The following TMCC1 variants were observed in gnomAD, a reference collection of about 807,000 sequenced individuals.
TMCC1 encodes the protein transmembrane and coiled-coil domain family 1.
Under a neutral mutation model 52.4 loss-of-function variants are expected in TMCC1, and 15 were observed. The ratio of observed to expected loss-of-function variants is 0.29; its 90% CI spans 0.19 to 0.44. The LOEUF (loss-of-function observed/expected upper bound fraction) is 0.44, where lower values mean the gene tolerates loss of function less well. Among genes scored for constraint, TMCC1 ranks in the 20% least tolerant of loss-of-function variants. TMCC1 has a pLI of 1.00. For missense variants in TMCC1, 503 were observed against 806.0 expected, an observed-to-expected ratio of 0.62 and a Z score of 4.55; for synonymous variants, 279 against 301.9, an observed-to-expected ratio of 0.92 and a Z score of 0.79.
At chr3:129,860,176 A>G (rs1315120347) in intron 2 of TMCC1, among the ~76,000 whole-genome samples, 1 of 152,212 alleles carries the variant, frequency 6.6e-6, no homozygotes, top group Non-Finnish European at 1.5e-5. Context: ...AACCACCTAC[A>G]TATAAAAATA....
chr3:129,802,223 T>G (rs1167214383), intron 4 of TMCC1, among the ~76,000 whole-genome samples: 3 of 152,254 alleles, frequency 2.0e-5, no homozygotes, highest in African/African-American at 4.8e-5. Flanking sequence ...TTTTTCTGTT[T>G]GTAGACATGG....
At chr3:129,865,698 G>A (rs1382878786) in intron 2 of TMCC1, among the ~76,000 whole-genome samples, 3 of 152,072 alleles carry the variant, frequency 2.0e-5, no homozygotes, top group Admixed American at 1.3e-4. Context: ...ACACTCTTAA[G>A]GTTCAACAGG....
At chr3:129,876,415 C>A (rs2061216418) in intron 2 of TMCC1, among the ~76,000 whole-genome samples, 1 of 151,970 alleles carries the variant, frequency 6.6e-6, no homozygotes, top group Non-Finnish European at 1.5e-5. Flanking sequence ...TAGCTGACAG[C>A]CAATTAGCTC....
At chr3:129,883,963 T>C (rs1381210863) in intron 1 of TMCC1, among the ~76,000 whole-genome samples, 5 of 151,972 alleles carry the variant, frequency 3.3e-5, no homozygotes, top group Non-Finnish European at 7.4e-5. Context: ...ATAAACCCAA[T>C]GAAAGCAGAT....
At position 129,848,850 on chromosome 3, in the gene TMCC1, T is replaced by A. The variant is rs1018020808; in HGVS notation, c.-183-16024A>T. ...CTCCCTCCCCCACCTTCATTCCTCT[T>A]ATGACCTGACTTCCTACATCATTGA... On this transcript the variant is annotated intron_variant, in intron 2 of 6. Coordinates refer to ENST00000393238, the MANE Select transcript of TMCC1 (RefSeq NM_001017395.5). Among the ~76,000 whole-genome samples, 10 of 152,030 alleles carry A rather than the reference T, an allele frequency of 6.6e-5. No homozygotes were observed. The East Asian group carries it at 1.9e-3, about 29-fold the overall frequency.
At chr3:129,796,830 T>C (rs1250527047) in intron 4 of TMCC1, among the ~76,000 whole-genome samples, 1 of 152,116 alleles carries the variant, frequency 6.6e-6, no homozygotes, top group Non-Finnish European at 1.5e-5. Context: ...ACCTTATCTC[T>C]AAAAATAAAA....
chr3:129,825,346 C>A (rs948697464), intron 4 of TMCC1, among the ~76,000 whole-genome samples: 5 of 152,286 alleles, frequency 3.3e-5, no homozygotes, highest in Admixed American at 6.5e-5. Flanking sequence ...TTTCCTTCTG[C>A]CTATAAGTAA....
At chr3:129,692,727 A>G (rs2047114552) in intron 4 of TMCC1, among the ~76,000 whole-genome samples, 1 of 152,258 alleles carries the variant, frequency 6.6e-6, no homozygotes, top group South Asian at 2.1e-4. Context: ...ACTAGGAACA[A>G]TAGTAACAGA....
At chr3:129,892,023 T>G (rs2061987640) in intron 1 of TMCC1, among the ~76,000 whole-genome samples, 1 of 152,238 alleles carries the variant, frequency 6.6e-6, no homozygotes, top group Admixed American at 6.5e-5. Context: ...GTCCCAACAC[T>G]GTCAGCGGTC....
chr3:129,772,508 G>T (rs2054671134), intron 4 of TMCC1, among the ~76,000 whole-genome samples: 1 of 151,798 alleles, frequency 6.6e-6, no homozygotes, highest in Non-Finnish European at 1.5e-5. Context: ...AAGGTCAGGA[G>T]ATCAAGACCA....
intron 4 of TMCC1, among the ~76,000 whole-genome samples, chr3:129,822,391 G>C (rs2058463627): frequency 6.6e-6 from 1 of 152,164 alleles, no homozygotes; most frequent in Non-Finnish European, 1.5e-5. Flanking sequence ...AATGAGCCAT[G>C]ATTGCACCAC....
intron 4 of TMCC1, among the ~76,000 whole-genome samples, chr3:129,696,595 A>C (rs2047430778): frequency 6.6e-6 from 1 of 152,224 alleles, no homozygotes; most frequent in African/African-American, 2.4e-5. Flanking sequence ...CGAAAGTCTT[A>C]GCTCATTTCA....
intron 4 of TMCC1, among the ~76,000 whole-genome samples, chr3:129,785,576 CACACACACAAACACACACACACACAT>C (rs2055943935): frequency 6.8e-6 from 1 of 146,910 alleles, no homozygotes; most frequent in Admixed American, 6.6e-5. Flanking sequence ...CACACACACA[CACACACACAAACACACACACACACAT>C]ACACACACAC....
chr3:129,651,770 C>A lies in TMCC1; in HGVS notation c.1673G>T (p.Arg558Leu). 2 of 1,613,846 alleles carry A rather than the reference C, an allele frequency of 1.2e-6. No individual in the cohort carries two copies. Among genetic ancestry groups the A allele is most frequent in the Non-Finnish European group, 8.5e-7 (1 of 1,179,804 alleles). ...CTGCTGCAGCTCCATCTTGGAGATG[C>A]GCGTCTGGCATGCCTCCAGGGCCTC... ...IQEALEACQTRISKMELQQQQ... is the reference protein window; with the variant it reads ...IQEALEACQTLISKMELQQQQ... The change falls in exon 7 of 7, where the codon CGC becomes CTC. Residue 558 changes from arginine to leucine, a missense_variant. Physicochemically the swap from Arg to Leu is moderately radical, Grantham distance 102. Transcript: ENST00000393238. This position sits in a 1 kb window ranked among gnomAD's most constrained non-coding sequence, Gnocchi z 5.1.
At chr3:129,774,788 A>G (rs995096530) in intron 4 of TMCC1, among the ~76,000 whole-genome samples, 2 of 152,162 alleles carry the variant, frequency 1.3e-5, no homozygotes, top group African/African-American at 4.8e-5. Context: ...AGAAATAAAT[A>G]GTAGTTTTGT....
At chr3:129,885,883 C>T (rs1443637009) in intron 1 of TMCC1, among the ~76,000 whole-genome samples, 2 of 151,552 alleles carry the variant, frequency 1.3e-5, no homozygotes, top group African/African-American at 2.4e-5. Flanking sequence ...GCTGGGATTA[C>T]AGGCGCCCAC....
At chr3:129,780,608 C>G (rs1161842223) in intron 4 of TMCC1, among the ~76,000 whole-genome samples, 1 of 152,096 alleles carries the variant, frequency 6.6e-6, no homozygotes, top group Non-Finnish European at 1.5e-5. Flanking sequence ...CCCAATCCAA[C>G]AAATCACTCC....
intron 4 of TMCC1, among the ~76,000 whole-genome samples, chr3:129,743,088 T>C (rs2051604247): frequency 6.6e-6 from 1 of 152,120 alleles, no homozygotes; most frequent in African/African-American, 2.4e-5. Flanking sequence ...TTTGAGATAA[T>C]AAAAATGTTC....
chr3:129,843,837 A>C (rs1448004241), intron 2 of TMCC1, among the ~76,000 whole-genome samples: 1 of 151,000 alleles, frequency 6.6e-6, no homozygotes, highest in Non-Finnish European at 1.5e-5. Context: ...TCTTGCAAAA[A>C]AGAGAAGGGA....
Sources: allele counts gnomAD v4.1 joint callset (sites outside exome capture counted in the v4.1 genomes callset), GRCh38; gene constraint gnomAD v4.1.1; non-coding constraint Gnocchi (gnomAD v3.1); transcripts MANE v1.5; gene names NCBI Gene and HGNC (gene_info 2026-07-23, HGNC 2026-07-21).